Variants in TPTE2 observed in about 807,000 individuals in gnomAD.
TPTE2 encodes the protein phosphatidylinositol 3,4,5-trisphosphate 3-phosphatase TPTE2.
In TPTE2, 53 loss-of-function variants were observed where a neutral mutation model predicts 78.6. The observed-to-expected ratio is 0.67, with a 90% CI of 0.54 to 0.85. The LOEUF is 0.85. Among genes scored for constraint, TPTE2 ranks in the 40% least tolerant of loss-of-function variants. TPTE2 has a pLI of 0.00. For missense variants in TPTE2, 461 were observed against 623.0 expected (o/e 0.74, Z 2.77); for synonymous variants, 175 against 206.2 (o/e 0.85, Z 1.30).
chr13:19,528,827 A>C (rs1870686108), intron 1 of TPTE2, among the ~76,000 whole-genome samples: 1 of 152,136 alleles, frequency 6.6e-6, no homozygotes, highest in African/African-American at 2.4e-5. Context: ...CCCCAGTAAA[A>C]GCTCAGACTT....
At chr13:19,557,887 T>C in the TPTE2 span, among the ~76,000 whole-genome samples, 192 of 152,220 alleles carry the variant, frequency 1.3e-3, 1 homozygote, top group African/African-American at 4.4e-3. Context: ...AAAAGCAGAG[T>C]TTCCATCAAA....
chr13:19,462,542 T>C (rs1273684817), intron 10 of TPTE2, among the ~76,000 whole-genome samples: 4 of 151,482 alleles, frequency 2.6e-5, no homozygotes, highest in Non-Finnish European at 5.9e-5. Flanking sequence ...CATTTCCTTT[T>C]TTTTTTTTTT....
chr13:19,523,741 G>A lies in TPTE2; in HGVS notation c.-44+12855C>T, dbSNP rs1288060164. ...TCGTCCCACCTCAGCCTCCCAAAGGGATTACAGGCATGAGCTACCATGCCC... is the reference window on the plus strand; with the variant it reads ...TCGTCCCACCTCAGCCTCCCAAAGGAATTACAGGCATGAGCTACCATGCCC... On this transcript the variant is annotated intron_variant, in intron 1 of 17. Coordinates refer to the TPTE2 transcript ENST00000390680. Among the ~76,000 whole-genome samples the A allele has an allele frequency of 2.6e-5, 4 of 152,146 alleles. No homozygotes were observed. The East Asian group carries it at 7.7e-4, about 29-fold the overall frequency.
intron 10 of TPTE2, among the ~76,000 whole-genome samples, chr13:19,458,938 T>C (rs1294483583): frequency 2.0e-5 from 3 of 152,190 alleles, no homozygotes; most frequent in Admixed American, 6.5e-5. Context: ...ATATACCCCA[T>C]AATGGGATTG....
chr13:19,443,410 T>TC (rs1399668978), intron 13 of TPTE2, among the ~76,000 whole-genome samples: 1 of 149,204 alleles, frequency 6.7e-6, no homozygotes, highest in Non-Finnish European at 1.5e-5. Context: ...TTTTTTTTTT[T>TC]TGTTTCATTT....
At chr13:19,452,827 G>A (rs997866351) in intron 10 of TPTE2, among the ~76,000 whole-genome samples, 1 of 151,986 alleles carries the variant, frequency 6.6e-6, no homozygotes, top group Non-Finnish European at 1.5e-5. Context: ...AAAGCCTTAT[G>A]CGCAAAGATG....
rs563580863 is a variant in TPTE2 at position 19,455,797 on chromosome 13, A to G, written c.742-4572T>C. Among the ~76,000 whole-genome samples, 4 of 152,376 alleles carry G rather than the reference A, an allele frequency of 2.6e-5. No individual in the cohort carries two copies. In the East Asian group the frequency reaches 7.7e-4, roughly 29 times the overall value. On this transcript the variant is annotated intron_variant, in intron 10 of 19. Coordinates refer to ENST00000400230, the Ensembl canonical transcript of TPTE2. ...AATGGAATAACAGAAAAACATTTTT[A>G]TTATCTTGATAGATGCAGAAAAAAT...
rs1417744494 is a variant in TPTE2 at position 19,480,999 on chromosome 13, C to G, written c.179+1489G>C. Among the ~76,000 whole-genome samples the G allele has an allele frequency of 2.0e-5, 3 of 152,136 alleles. No homozygotes were observed. In the East Asian group the frequency reaches 5.8e-4, roughly 29 times the overall value. ...ATCTACACCATGAAATATTACACAA[C>G]TGTTGCAAATAATGTTGTAAGTGCA... On this transcript the variant is annotated intron_variant, in intron 4 of 19. Coordinates refer to ENST00000400230, the Ensembl canonical transcript of TPTE2.
intron 1 of TPTE2, among the ~76,000 whole-genome samples, chr13:19,522,292 G>A (rs556024164): frequency 6.6e-6 from 1 of 152,274 alleles, no homozygotes; most frequent in East Asian, 1.9e-4. Context: ...AAGCCACAGT[G>A]TGCTTCCTTT....
At chr13:19,472,153 C>A (rs1879658726) in intron 6 of TPTE2, among the ~76,000 whole-genome samples, 1 of 152,070 alleles carries the variant, frequency 6.6e-6, no homozygotes, top group Non-Finnish European at 1.5e-5. Context: ...AGGTAGTCTT[C>A]TTTGAGTTAC....
chr13:19,522,016 A>G (rs1441193224), intron 1 of TPTE2, among the ~76,000 whole-genome samples: 3 of 152,178 alleles, frequency 2.0e-5, no homozygotes, highest in Non-Finnish European at 4.4e-5. Context: ...TCAAGCAACA[A>G]ATTTTTTTAG....
Position 19,527,174 on chromosome 13 carries a change from C to T in TPTE2, c.-44+9422G>A, listed in dbSNP as rs190861214. 3.0e-3 allele frequency among the ~76,000 whole-genome samples: 454 copies of T among 152,186 alleles called. 3 individuals carry two copies. Among genetic ancestry groups the T allele is most frequent in the African/African-American group, 9.9e-3 (411 of 41,510 alleles). On this transcript the variant is annotated intron_variant, in intron 1 of 17. Transcript: ENST00000390680. Reference sequence around the variant, plus strand: ...ACCAGATACCAGAGGCTGGGAAGTGCGTGTCGGTTGGCAGGGAAGAGTGGT... The same window carrying T: ...ACCAGATACCAGAGGCTGGGAAGTGTGTGTCGGTTGGCAGGGAAGAGTGGT...
intron 1 of TPTE2, among the ~76,000 whole-genome samples, chr13:19,522,029 T>C (rs1419209084): frequency 6.6e-6 from 1 of 152,228 alleles, no homozygotes; most frequent in African/African-American, 2.4e-5. Context: ...TTTTTTAGTT[T>C]TGTTTACCGA....
At chr13:19,438,020 T>G (rs1877225533) in intron 14 of TPTE2, 72 bp downstream of exon 17, 3 of 1,572,854 alleles carry the variant, frequency 1.9e-6, no homozygotes, top group Non-Finnish European at 1.7e-6. Flanking sequence ...CATCTTAACG[T>G]CCTACCAGCG....
chr13:19,447,214 T>C (rs1391056105), intron 13 of TPTE2, among the ~76,000 whole-genome samples: 1 of 152,088 alleles, frequency 6.6e-6, no homozygotes. Flanking sequence ...ATATTAGCCC[T>C]CTAAACAAAC....
chr13:19,470,064 G>A (rs1879509039), intron 6 of TPTE2, among the ~76,000 whole-genome samples: 1 of 151,982 alleles, frequency 6.6e-6, no homozygotes. Flanking sequence ...CCGGTACTAT[G>A]TTGAACAACA....
At chr13:19,487,378 A>C (rs1880724290) in intron 3 of TPTE2, among the ~76,000 whole-genome samples, 1 of 151,836 alleles carries the variant, frequency 6.6e-6, no homozygotes, top group South Asian at 2.1e-4. Context: ...GCAGGCCAGG[A>C]GCATGTCTGT....
At chr13:19,504,539 G>A (rs556408559), upstream of TPTE2, among the ~76,000 whole-genome samples, 7 of 151,988 alleles carry the variant, frequency 4.6e-5, no homozygotes, top group East Asian at 1.9e-4. Flanking sequence ...ACTGCTACTC[G>A]CTTGTTGCTC....
upstream of TPTE2, among the ~76,000 whole-genome samples, chr13:19,507,144 A>G (rs1026626217): frequency 3.9e-5 from 6 of 152,124 alleles, no homozygotes; most frequent in African/African-American, 1.2e-4. Flanking sequence ...TCATTTCACT[A>G]TCACTGAGGA....
Sources: gnomAD v4.1 joint callset for allele counts (sites outside exome capture counted in the v4.1 genomes callset) on GRCh38, gnomAD v4.1.1 for gene constraint, MANE v1.5 for transcripts, NCBI Gene and HGNC (gene_info 2026-07-23, HGNC 2026-07-21) for gene names.